Variants in AUTS2 observed in about 807,000 individuals in gnomAD.
The protein encoded by AUTS2 is autism susceptibility gene 2 protein.
Under a neutral mutation model 112.4 loss-of-function variants are expected in AUTS2, and 17 were observed. The ratio of observed to expected loss-of-function variants is 0.15; its 90% CI spans 0.10 to 0.23. The LOEUF (loss-of-function observed/expected upper bound fraction) is 0.23, where lower values mean the gene tolerates loss of function less well. Ranked by LOEUF, AUTS2 falls within the 10% of genes least tolerant of loss-of-function variation. The probability of loss-of-function intolerance (pLI) is 1.00; values close to 1 mark genes in which losing one functional copy is unlikely to be tolerated. For missense variants in AUTS2, 1,510 were observed against 1,701.6 expected (o/e 0.89, Z 1.98); for synonymous variants, 751 against 702.7 (o/e 1.07, Z -1.09).
chr7:69,917,974 C>T (rs1383325440), intron 2 of AUTS2, among the ~76,000 whole-genome samples: 1 of 152,078 alleles, frequency 6.6e-6, no homozygotes, highest in Non-Finnish European at 1.5e-5. Context: ...TCCCTAGTAG[C>T]TGGGACTACA....
In AUTS2 at chr7:70,652,349, AT is replaced by A. The variant is rs34864188; in HGVS notation, c.691-46210del. ...TAACACCAGCAAAAGTACTTCTGCCATTTTTTTTTTAGGGTTAGACAATTTA... is the reference window on the plus strand; with the variant it reads ...TAACACCAGCAAAAGTACTTCTGCCATTTTTTTTTAGGGTTAGACAATTTA... On this transcript the variant is annotated intron_variant, in intron 5 of 18. Transcript: ENST00000342771. 3.6e-3 allele frequency among the ~76,000 whole-genome samples: 540 copies of A among 150,732 alleles called. 10 individuals are homozygous for A. The South Asian group carries it at 0.036, about 10-fold the overall frequency.
At chr7:69,980,786 G>A (rs888774350) in intron 2 of AUTS2, among the ~76,000 whole-genome samples, 2 of 152,102 alleles carry the variant, frequency 1.3e-5, no homozygotes, top group African/African-American at 4.8e-5. Flanking sequence ...AGTTGATCTG[G>A]GATGAAGCCT....
At chr7:69,986,109 A>G (rs1798505029) in intron 2 of AUTS2, among the ~76,000 whole-genome samples, 1 of 152,090 alleles carries the variant, frequency 6.6e-6, no homozygotes, top group African/African-American at 2.4e-5. Flanking sequence ...GTATCTTCTT[A>G]ATACCACTTA....
At chr7:69,960,694 G>C (rs1290448688) in intron 2 of AUTS2, among the ~76,000 whole-genome samples, 10 of 152,110 alleles carry the variant, frequency 6.6e-5, no homozygotes, top group Admixed American at 5.9e-4. Context: ...ATATTGACAG[G>C]AAAGATCACC....
intron 1 of AUTS2, among the ~76,000 whole-genome samples, chr7:69,895,113 G>A (rs1268951504): frequency 6.6e-6 from 1 of 152,042 alleles, no homozygotes; most frequent in Non-Finnish European, 1.5e-5. Context: ...AGCATTGGTG[G>A]GTGTATATTT....
At position 69,912,529 on chromosome 7, in the gene AUTS2, C is replaced by G. The variant is rs558753906; in HGVS notation, c.522+13031C>G. 7.9e-4 allele frequency among the ~76,000 whole-genome samples: 121 copies of G among 152,362 alleles called. No homozygotes were observed. The Middle Eastern group carries it at 0.027, about 34-fold the overall frequency. On this transcript the variant is annotated intron_variant, in intron 2 of 18. Transcript: ENST00000342771. ...GGACCATGTAGGGAGTATATTAGGG[C>G]TGCCCCATGGTTCTCCAGATAGACT...
intron 5 of AUTS2, among the ~76,000 whole-genome samples, chr7:70,513,235 C>A (rs117084416): frequency 0.011 from 1,677 of 152,274 alleles, 23 homozygotes; most frequent in East Asian, 0.037. Flanking sequence ...TAACAAAGCA[C>A]TGAAACAATT....
intron 2 of AUTS2, among the ~76,000 whole-genome samples, chr7:70,096,607 AAAAAAAAAAG>A (rs1388670721): frequency 6.1e-4 from 92 of 151,554 alleles, no homozygotes; most frequent in African/African-American, 2.1e-3. Context: ...CTTAAAAAAA[AAAAAAAAAAG>A]AAAAAAAAAG....
chr7:70,533,658 GAC>G (rs1401956323), intron 5 of AUTS2, among the ~76,000 whole-genome samples: 1 of 152,216 alleles, frequency 6.6e-6, no homozygotes, highest in Non-Finnish European at 1.5e-5. Flanking sequence ...CCTTGTAGGT[GAC>G]ACTAATAAAA....
At chr7:69,632,713 A>C (rs1471850368) in intron 1 of AUTS2, among the ~76,000 whole-genome samples, 1 of 151,556 alleles carries the variant, frequency 6.6e-6, no homozygotes, top group Non-Finnish European at 1.5e-5. Context: ...CACGTTTGCT[A>C]GTTCTTTAAA....
intron 2 of AUTS2, among the ~76,000 whole-genome samples, chr7:70,089,599 CTG>C (rs1165299217): frequency 9.9e-5 from 15 of 151,944 alleles, no homozygotes; most frequent in African/African-American, 3.6e-4. Flanking sequence ...GATATTTAGA[CTG>C]TTTATATACT....
intron 4 of AUTS2, among the ~76,000 whole-genome samples, chr7:70,371,429 C>T (rs1792831575): frequency 6.6e-6 from 1 of 152,190 alleles, no homozygotes. Flanking sequence ...TCTGAGACAC[C>T]TGCTAACTGA....
intron 1 of AUTS2, among the ~76,000 whole-genome samples, chr7:69,854,757 T>G (rs1792643675): frequency 6.6e-6 from 1 of 152,200 alleles, no homozygotes; most frequent in East Asian, 1.9e-4. Flanking sequence ...TGTGTGATAA[T>G]TATTGTGCGA....
At position 70,779,117 on chromosome 7, in the gene AUTS2, A is replaced by G. The variant is rs1790894574; in HGVS notation, c.2004+1943A>G. 2.6e-5 allele frequency among the ~76,000 whole-genome samples: 4 copies of G among 152,156 alleles called. No homozygotes were observed. In the South Asian group the frequency reaches 8.3e-4, roughly 32 times the overall value. Reference sequence around the variant, plus strand: ...ATGGAACTGTGCTATGTACCATGCAATATTAGCACTAAATAATTTGGCCAC... The same window carrying G: ...ATGGAACTGTGCTATGTACCATGCAGTATTAGCACTAAATAATTTGGCCAC... On this transcript the variant is annotated intron_variant, in intron 14 of 18. Coordinates refer to ENST00000342771, the MANE Select transcript of AUTS2 (RefSeq NM_015570.4).
chr7:69,647,728 G>T (rs1795094948), intron 1 of AUTS2, among the ~76,000 whole-genome samples: 1 of 152,188 alleles, frequency 6.6e-6, no homozygotes, highest in African/African-American at 2.4e-5. Context: ...CACAAACTGA[G>T]TGGCTTAAAA....
At chr7:70,106,995 G>A (rs549113790) in intron 2 of AUTS2, among the ~76,000 whole-genome samples, 6 of 151,980 alleles carry the variant, frequency 3.9e-5, no homozygotes, top group Non-Finnish European at 7.4e-5. Flanking sequence ...TGGCAATCTC[G>A]TCAGTAAGTA....
chr7:69,930,365 G>T lies in AUTS2; in HGVS notation c.522+30867G>T, dbSNP rs564885961. 7.7e-4 allele frequency among the ~76,000 whole-genome samples: 117 copies of T among 152,176 alleles called. 1 individual carries two copies. The highest frequency in any genetic ancestry group is 1.0e-3 in the Non-Finnish European group (69 of 68,010). On this transcript the variant is annotated intron_variant, in intron 2 of 18. Transcript: ENST00000342771. The stretch of plus-strand genomic sequence containing the variant: ...TCCTATGAACCCCAGCTGCCTTGAT[G>T]TCCTCAGACTCAACTCTGTCTCCTC...
intron 1 of AUTS2, among the ~76,000 whole-genome samples, chr7:69,876,312 C>G (rs374453687): frequency 1.1e-5 from 1 of 90,284 alleles, no homozygotes; most frequent in African/African-American, 4.6e-5. Flanking sequence ...GGTGATGGAG[C>G]GAGACTCTGT....
chr7:69,837,680 G>A (rs1368630659), intron 1 of AUTS2, among the ~76,000 whole-genome samples: 3 of 152,110 alleles, frequency 2.0e-5, no homozygotes, highest in East Asian at 1.9e-4. Context: ...GCAGAGAAGC[G>A]TTCATCAAGA....
Sources: gnomAD v4.1 joint callset for allele counts (sites outside exome capture counted in the v4.1 genomes callset) on GRCh38, gnomAD v4.1.1 for gene constraint, MANE v1.5 for transcripts, NCBI Gene and HGNC (gene_info 2026-07-23, HGNC 2026-07-21) for gene names.